SRBD1: variants seen among roughly 807,000 people sequenced by gnomAD.
SRBD1 encodes the protein S1 RNA binding domain 1.
In SRBD1, 88 loss-of-function variants were observed where a neutral mutation model predicts 115.3. The observed-to-expected ratio is 0.76, with a 90% CI of 0.64 to 0.91. The LOEUF (loss-of-function observed/expected upper bound fraction) is 0.91, where lower values mean the gene tolerates loss of function less well. Among genes scored for constraint, SRBD1 ranks in the 40% least tolerant of loss-of-function variants. The pLI, the probability that SRBD1 is intolerant of heterozygous loss-of-function variation, is 0.00. For missense variants in SRBD1, 1,385 were observed against 1,177.4 expected, an observed-to-expected ratio of 1.18 and a Z score of -2.58; for synonymous variants, 509 against 407.7, an observed-to-expected ratio of 1.25 and a Z score of -2.99.
intron 14 of SRBD1, among the ~76,000 whole-genome samples, chr2:45,527,802 A>G: frequency 6.6e-6 from 1 of 151,912 alleles, no homozygotes; most frequent in East Asian, 1.9e-4. Context: ...CTGGTTCCAT[A>G]GCCTATGCTC....
intron 1 of SRBD1, among the ~76,000 whole-genome samples, chr2:45,607,882 A>C (rs955522372): frequency 6.6e-6 from 1 of 152,166 alleles, no homozygotes; most frequent in Non-Finnish European, 1.5e-5. Flanking sequence ...TCCGCCACTA[A>C]ATTCCTAAAA....
At chr2:45,413,387 A>C in intron 18 of SRBD1, 94 bp from the exon 19 acceptor site, 1 of 1,407,404 alleles carries the variant, frequency 7.1e-7, no homozygotes, top group Non-Finnish European at 9.6e-7. Context: ...CTGTCATACA[A>C]ATATGCGAAA....
At chr2:45,469,192 T>C (rs1668962633) in intron 16 of SRBD1, among the ~76,000 whole-genome samples, 1 of 152,198 alleles carries the variant, frequency 6.6e-6, no homozygotes. Flanking sequence ...AGAGATGTTT[T>C]AGATTCTAAT....
chr2:45,589,356 A>C (rs1050390428), intron 4 of SRBD1, among the ~76,000 whole-genome samples: 3 of 152,200 alleles, frequency 2.0e-5, no homozygotes, highest in African/African-American at 7.2e-5. Flanking sequence ...CCAGGCAATA[A>C]GTGGCACCAT....
chr2:45,540,923 G>A (rs1671913783), intron 14 of SRBD1, among the ~76,000 whole-genome samples: 1 of 152,238 alleles, frequency 6.6e-6, no homozygotes, highest in African/African-American at 2.4e-5. Context: ...TAGTGTTACG[G>A]AATCCTTAGG....
intron 15 of SRBD1, among the ~76,000 whole-genome samples, chr2:45,487,896 C>G (rs1572694316): frequency 6.6e-6 from 1 of 152,234 alleles, no homozygotes; most frequent in East Asian, 1.9e-4. Flanking sequence ...TCGTGATCCA[C>G]CTGCCTCAGC....
At chr2:45,605,538 G>GA in intron 1 of SRBD1, 97 bp from the exon 2 acceptor site, 4 of 1,134,580 alleles carry the variant, frequency 3.5e-6, no homozygotes, top group Non-Finnish European at 5.2e-6. Flanking sequence ...CATTTCATAG[G>GA]AAAAAAACAA....
At chr2:45,401,477 C>G (rs1324566189) in intron 19 of SRBD1, among the ~76,000 whole-genome samples, 1 of 152,190 alleles carries the variant, frequency 6.6e-6, no homozygotes, top group Admixed American at 6.6e-5. Flanking sequence ...AGGAACGAGT[C>G]TTTCTGCCCT....
intron 7 of SRBD1, 88 bp from the exon 8 acceptor site, chr2:45,574,811 C>G: frequency 3.5e-6 from 4 of 1,157,928 alleles, no homozygotes; most frequent in Non-Finnish European, 4.9e-6. Flanking sequence ...AAATTAATTC[C>G]AGTCAAAATA....
intron 14 of SRBD1, among the ~76,000 whole-genome samples, chr2:45,497,983 G>A (rs939944244): frequency 6.6e-6 from 1 of 152,112 alleles, no homozygotes; most frequent in Non-Finnish European, 1.5e-5. Context: ...CAGCCTGGGC[G>A]ACAGAGTGAG....
At chr2:45,430,251 C>G (rs1347666094) in intron 16 of SRBD1, among the ~76,000 whole-genome samples, 1 of 152,144 alleles carries the variant, frequency 6.6e-6, no homozygotes, top group Non-Finnish European at 1.5e-5. Flanking sequence ...TCCCCCCCAT[C>G]AAGCTACCAC....
At chr2:45,602,186 T>G (rs1259375970) in intron 2 of SRBD1, 103 bp from the exon 3 acceptor site, 2 of 1,342,300 alleles carry the variant, frequency 1.5e-6, no homozygotes, top group Non-Finnish European at 2.0e-6. Flanking sequence ...GTAGGAGGTG[T>G]TTAATATAAA....
chr2:45,389,421 T>C lies in SRBD1; in HGVS notation c.2877A>G (p.Thr959=), dbSNP rs370097040. The part of the protein sequence containing the change: ...RNVTEAKLSK[T]KKRRSLGLGP... ...CCAGTCCAAGGCTTCTTCTCTTCTT[T>C]GTTTTTGAAAGTTTTGCTTCTGTTA... The change falls in exon 21 of 21, where the codon ACA becomes ACG. Residue 959 remains threonine, a synonymous_variant. Coordinates refer to ENST00000263736, the MANE Select transcript of SRBD1 (RefSeq NM_018079.5). 2.5e-5 allele frequency: 41 copies of C among 1,613,974 alleles called. No individual in the cohort carries two copies. Among genetic ancestry groups the C allele is most frequent in the Non-Finnish European group, 3.3e-5 (39 of 1,179,982 alleles).
intron 1 of SRBD1, among the ~76,000 whole-genome samples, 181 bp from the exon 2 acceptor site, chr2:45,605,622 G>A (rs992075118): frequency 6.6e-6 from 1 of 152,180 alleles, no homozygotes; most frequent in Admixed American, 6.5e-5. Flanking sequence ...AAGAGTAGCT[G>A]GCTGGGCACC....
intron 14 of SRBD1, among the ~76,000 whole-genome samples, chr2:45,523,358 C>A: frequency 7.2e-6 from 1 of 139,084 alleles, no homozygotes; most frequent in African/African-American, 2.6e-5. Flanking sequence ...CTTAATAAAA[C>A]AAAGAAGAGA....
At chr2:45,525,700 G>A (rs1671419265) in intron 14 of SRBD1, among the ~76,000 whole-genome samples, 2 of 151,904 alleles carry the variant, frequency 1.3e-5, no homozygotes, top group African/African-American at 4.8e-5. Context: ...TGATACCTAT[G>A]ATTTTTACTA....
chr2:45,596,332 C>A (rs1313744730), intron 4 of SRBD1, among the ~76,000 whole-genome samples: 1 of 152,134 alleles, frequency 6.6e-6, no homozygotes, highest in African/African-American at 2.4e-5. Flanking sequence ...TGTTTAGCTG[C>A]TATTTTAGTG....
intron 16 of SRBD1, among the ~76,000 whole-genome samples, chr2:45,474,203 T>A (rs775674448): frequency 6.6e-6 from 1 of 152,248 alleles, no homozygotes; most frequent in South Asian, 2.1e-4. Context: ...AAAGTCTCTG[T>A]TACTTATTCA....
chr2:45,470,213 AAC>A (rs1283985984), intron 16 of SRBD1, among the ~76,000 whole-genome samples: 12 of 152,172 alleles, frequency 7.9e-5, no homozygotes, highest in Non-Finnish European at 1.8e-4. Flanking sequence ...TTGACTATAA[AAC>A]AGTTTGTTTT....
Sources: allele counts gnomAD v4.1 joint callset (sites outside exome capture counted in the v4.1 genomes callset), GRCh38; gene constraint gnomAD v4.1.1; transcripts MANE v1.5; gene names NCBI Gene and HGNC (gene_info 2026-07-23, HGNC 2026-07-21).